The following ANKRD27 variants were observed in gnomAD, a reference collection of about 807,000 sequenced individuals.
ANKRD27 encodes the protein ankyrin repeat domain 27.
A neutral mutation model predicts 129.7 loss-of-function variants in ANKRD27; 112 were observed. The observed-to-expected ratio is 0.86, with a 90% CI of 0.74 to 1.01. The LOEUF is 1.01. ANKRD27 is among the 50% of genes least tolerant of loss of function. ANKRD27 has a pLI of 0.00. For missense variants in ANKRD27, 1,258 were observed against 1,300.5 expected (o/e 0.97, Z 0.50); for synonymous variants, 516 against 511.2 (o/e 1.01, Z -0.13).
chr19:32,673,158 A>T (rs1419650377), intron 1 of ANKRD27: 2 of 308,974 alleles, frequency 6.5e-6, no homozygotes, highest in African/African-American at 4.5e-5. Flanking sequence ...CTCTGCAGAC[A>T]CCTCTGCCTG....
At position 32,653,881 on chromosome 19, in the gene ANKRD27, G is replaced by A. The variant is rs574604439; in HGVS notation, c.103-4089C>T. Among the ~76,000 whole-genome samples, 7 of 152,230 alleles carry A rather than the reference G, an allele frequency of 4.6e-5. No individual in the cohort carries two copies. The South Asian group carries it at 1.4e-3, about 32-fold the overall frequency. ...GAAGCGTGGTGCGGTTCACTCTGCGGGAGACACATGGTTTTTTTTGTTTGT... is the reference window on the plus strand; with the variant it reads ...GAAGCGTGGTGCGGTTCACTCTGCGAGAGACACATGGTTTTTTTTGTTTGT... On this transcript the variant is annotated intron_variant, in intron 2 of 28. Transcript: ENST00000306065.
At chr19:32,627,065 T>C (rs1966897428) in intron 15 of ANKRD27, among the ~76,000 whole-genome samples, 1 of 152,128 alleles carries the variant, frequency 6.6e-6, no homozygotes, top group East Asian at 1.9e-4. Context: ...CAATAAACAA[T>C]AATGGAAAAG....
At chr19:32,600,157 A>G in intron 26 of ANKRD27, 107 bp from the exon 27 acceptor site, 1 of 844,710 alleles carries the variant, frequency 1.2e-6, no homozygotes, top group Non-Finnish European at 1.9e-6. Context: ...TACAAAATTT[A>G]GAAACTGAAG....
chr19:32,649,706 C>T lies in ANKRD27; in HGVS notation c.189G>A (p.Glu63=), dbSNP rs772268736. ...CCTTTCCATTTAAGGTCTGAAAATG[C>T]TCTTCCACAGGTATCAAAATGTAGG... ...FESYILIPVE[E]HFQTLNGKDV... is the part of the protein sequence containing the mutation. Residue 63 remains glutamate (E), a synonymous_variant, in exon 3 of 29, where the codon GAG becomes GAA. Transcript: ENST00000306065. 3 of 1,613,480 alleles carry T rather than the reference C, an allele frequency of 1.9e-6. No homozygotes were observed. The highest frequency in any genetic ancestry group is 8.5e-7 in the Non-Finnish European group (1 of 1,179,510).
At chr19:32,655,682 G>A (rs1358379838) in intron 2 of ANKRD27, among the ~76,000 whole-genome samples, 3 of 151,838 alleles carry the variant, frequency 2.0e-5, no homozygotes, top group Non-Finnish European at 4.4e-5. Flanking sequence ...GGAGTTCAAG[G>A]CCAGCCTGGG....
chr19:32,663,603 A>C (rs1014764491), intron 1 of ANKRD27, among the ~76,000 whole-genome samples: 1 of 152,176 alleles, frequency 6.6e-6, no homozygotes, highest in African/African-American at 2.4e-5. Context: ...CAGGTTGATA[A>C]TGCTACGGCT....
chr19:32,598,670 T>C (rs1331134074), intron 28 of ANKRD27, among the ~76,000 whole-genome samples: 3 of 152,224 alleles, frequency 2.0e-5, no homozygotes, highest in African/African-American at 7.2e-5. Context: ...TTAAGCCACC[T>C]GCCTAAAGTC....
chr19:32,599,784 C>T lies in ANKRD27; in HGVS notation c.2847-8G>A, dbSNP rs992092970. 1.9e-6 allele frequency: 3 copies of T among 1,611,664 alleles called. No homozygotes were observed. In the African/African-American group the frequency reaches 4.0e-5, roughly 22 times the overall value. On this transcript the variant is annotated splice_polypyrimidine_tract_variant and splice_region_variant and intron_variant, in intron 27 of 28. Coordinates refer to ENST00000306065, the MANE Select transcript of ANKRD27 (RefSeq NM_032139.3). Reference sequence around the variant, plus strand: ...TCCCTTGAAGTCTTTCCCCTAAAACCCAAAATAAACGAAAATAAATATTTG... The same window carrying T: ...TCCCTTGAAGTCTTTCCCCTAAAACTCAAAATAAACGAAAATAAATATTTG...
At chr19:32,625,624 G>A (rs1330072398) in intron 17 of ANKRD27, among the ~76,000 whole-genome samples, 1 of 151,918 alleles carries the variant, frequency 6.6e-6, no homozygotes, top group Non-Finnish European at 1.5e-5. Context: ...TGAGATGGGG[G>A]TTTCACCATG....
At chr19:32,599,923 A>T in intron 27 of ANKRD27, 49 bp downstream of exon 27, 1 of 1,552,778 alleles carries the variant, frequency 6.4e-7, no homozygotes, top group Non-Finnish European at 8.9e-7. Context: ...TGCAGCTTGG[A>T]GTAAACTAGG....
intron 10 of ANKRD27, among the ~76,000 whole-genome samples, chr19:32,640,960 G>A (rs780983462): frequency 6.6e-5 from 10 of 152,084 alleles, no homozygotes; most frequent in Middle Eastern, 3.4e-3. Flanking sequence ...GTGCAGTGGC[G>A]CAATCTTGGC....
At chr19:32,665,038 A>G (rs1967724137) in intron 1 of ANKRD27, among the ~76,000 whole-genome samples, 1 of 151,924 alleles carries the variant, frequency 6.6e-6, no homozygotes, top group Non-Finnish European at 1.5e-5. Context: ...TACTAGCCAC[A>G]TTTCATGTGC....
intron 1 of ANKRD27, among the ~76,000 whole-genome samples, chr19:32,669,192 C>A (rs1443099470): frequency 6.6e-6 from 1 of 152,146 alleles, no homozygotes; most frequent in Non-Finnish European, 1.5e-5. Context: ...TCCCCAGGTC[C>A]AGCCAGAACT....
At position 32,658,920 on chromosome 19, in the gene ANKRD27, A is replaced by G. The variant is rs1967594331; in HGVS notation, c.96T>C (p.His32=). 4.3e-6 allele frequency: 7 copies of G among 1,613,964 alleles called. No homozygotes were observed. The highest frequency in any genetic ancestry group is 5.9e-6 in the Non-Finnish European group (7 of 1,179,932). The change falls in exon 2 of 29, where the codon CAT becomes CAC. Residue 32 remains histidine (H), a synonymous_variant. Transcript: ENST00000306065. ...CGAGGCTCAGTGCACTTACAATGCC[A>G]TGGATTTGGGCCACTTTGCTGCACA... ...PDLCSKVAQI[H]GIVLVPCKGS...
chr19:32,619,404 A>G, intron 19 of ANKRD27, 25 bp from the exon 20 acceptor site: 1 of 1,613,752 alleles, frequency 6.2e-7, no homozygotes, highest in South Asian at 1.1e-5. Context: ...CCCCAACGAG[A>G]GAGAGGACAG....
intron 2 of ANKRD27, among the ~76,000 whole-genome samples, chr19:32,650,278 G>A (rs1350038558): frequency 1.6e-4 from 24 of 152,224 alleles, no homozygotes; most frequent in African/African-American, 4.8e-4. Flanking sequence ...ATGGCCAGGC[G>A]TGGTGGCTCA....
intron 2 of ANKRD27, among the ~76,000 whole-genome samples, chr19:32,653,240 C>A (rs113384122): frequency 6.6e-6 from 1 of 152,104 alleles, no homozygotes; most frequent in Non-Finnish European, 1.5e-5. Flanking sequence ...GGGGTCTCAG[C>A]GCCCTTAGCT....
intron 1 of ANKRD27, among the ~76,000 whole-genome samples, chr19:32,674,698 T>A (rs1217195934): frequency 6.6e-6 from 1 of 151,088 alleles, no homozygotes; most frequent in Non-Finnish European, 1.5e-5. Context: ...CAGCAGACCC[T>A]AGGCCTCCGG....
intron 23 of ANKRD27, among the ~76,000 whole-genome samples, chr19:32,606,595 G>GATGACAGTGATCTCACTTCACCCGATGT (rs1971741817): frequency 1.3e-5 from 2 of 152,202 alleles, no homozygotes; most frequent in African/African-American, 2.4e-5. Context: ...CGATGTGCTG[G>GATGACAGTGATCTCACTTCACCCGATGT]GCGACAGTGA....
Sources: allele counts gnomAD v4.1 joint callset (sites outside exome capture counted in the v4.1 genomes callset), GRCh38; gene constraint gnomAD v4.1.1; transcripts MANE v1.5; gene names NCBI Gene and HGNC (gene_info 2026-07-23, HGNC 2026-07-21).